AKAP19: variants seen among roughly 807,000 people sequenced by gnomAD.
AKAP19 encodes small A-kinase anchoring protein.
the AKAP19 span, among the ~76,000 whole-genome samples, chr2:190,157,859 A>G: frequency 6.6e-6 from 1 of 152,226 alleles, no homozygotes; most frequent in Non-Finnish European, 1.5e-5. Flanking sequence ...AAGTGAGGGA[A>G]GAGAGAGACC....
chr2:190,201,065 A>C, the AKAP19 span: 1 of 166,062 alleles, frequency 6.0e-6, no homozygotes, highest in African/African-American at 2.4e-5. Flanking sequence ...CAGATAATGC[A>C]TGAAGATTTA....
the AKAP19 span, among the ~76,000 whole-genome samples, chr2:190,006,517 G>A: frequency 6.6e-6 from 1 of 151,922 alleles, no homozygotes; most frequent in African/African-American, 2.4e-5. Context: ...GGGCGTGATG[G>A]CGGGTGCCTG....
chr2:190,006,173 A>G, the AKAP19 span, among the ~76,000 whole-genome samples: 7 of 152,236 alleles, frequency 4.6e-5, no homozygotes, highest in Admixed American at 2.0e-4. Flanking sequence ...AAAAGTTTAT[A>G]TTAGAAAACT....
chr2:189,974,156 T>A, the AKAP19 span, among the ~76,000 whole-genome samples: 1 of 152,218 alleles, frequency 6.6e-6, no homozygotes, highest in Admixed American at 6.5e-5. Flanking sequence ...TTTAAATGTG[T>A]CCCAGAGATT....
At chr2:189,975,915 G>T in the AKAP19 span, among the ~76,000 whole-genome samples, 1 of 152,124 alleles carries the variant, frequency 6.6e-6, no homozygotes. Flanking sequence ...TAGCTTCTTT[G>T]TGTTGGGTTC....
chr2:189,914,082 A>T, the AKAP19 span, among the ~76,000 whole-genome samples: 2 of 152,190 alleles, frequency 1.3e-5, no homozygotes, highest in Admixed American at 6.5e-5. Flanking sequence ...AGATGCAGAA[A>T]GTAATGGAAT....
the AKAP19 span, among the ~76,000 whole-genome samples, chr2:190,050,771 A>T: frequency 4.6e-5 from 7 of 152,320 alleles, no homozygotes; most frequent in South Asian, 1.0e-3. Context: ...TGAGCCAATG[A>T]CAGGAGACAA....
At chr2:190,164,498 C>G in the AKAP19 span, among the ~76,000 whole-genome samples, 4 of 152,096 alleles carry the variant, frequency 2.6e-5, no homozygotes, top group African/African-American at 9.6e-5. Flanking sequence ...TCACTGTACT[C>G]CAGCCTGGGC....
chr2:189,891,886 G>A, the AKAP19 span, among the ~76,000 whole-genome samples: 1 of 151,632 alleles, frequency 6.6e-6, no homozygotes, highest in African/African-American at 2.4e-5. Flanking sequence ...ATGTAGATTT[G>A]GTCTTTTCAC....
At chr2:190,161,093 C>A in the AKAP19 span, among the ~76,000 whole-genome samples, 1 of 152,074 alleles carries the variant, frequency 6.6e-6, no homozygotes, top group African/African-American at 2.4e-5. Flanking sequence ...ACATAGTTCT[C>A]TGGATTATTA....
chr2:189,907,402 A>G, the AKAP19 span, among the ~76,000 whole-genome samples: 2 of 152,082 alleles, frequency 1.3e-5, no homozygotes, highest in Non-Finnish European at 2.9e-5. Context: ...TACCTGCAGT[A>G]TTTGTTGACT....
At chr2:190,122,802 C>A in the AKAP19 span, among the ~76,000 whole-genome samples, 1 of 150,594 alleles carries the variant, frequency 6.6e-6, no homozygotes, top group Non-Finnish European at 1.5e-5. Flanking sequence ...GATCACCTCT[C>A]TCTCTCTCTT....
the AKAP19 span, among the ~76,000 whole-genome samples, chr2:190,097,038 C>A: frequency 1.3e-5 from 2 of 152,282 alleles, no homozygotes; most frequent in Admixed American, 1.3e-4. Flanking sequence ...CAGAGCAATT[C>A]CCTTCTCAAA....
At chr2:190,014,954 C>T in the AKAP19 span, among the ~76,000 whole-genome samples, 1 of 152,186 alleles carries the variant, frequency 6.6e-6, no homozygotes, top group African/African-American at 2.4e-5. Flanking sequence ...GGGTGGGCTC[C>T]CATGGGCTCA....
At chr2:190,069,096 TAGAAA>T in the AKAP19 span, among the ~76,000 whole-genome samples, 1 of 148,126 alleles carries the variant, frequency 6.8e-6, no homozygotes, top group East Asian at 2.0e-4. Flanking sequence ...AGCCAGAGGG[TAGAAA>T]AGAAGTCTCA....
chr2:190,079,158 C>T, the AKAP19 span: 1 of 152,160 alleles, frequency 6.6e-6, no homozygotes, highest in Non-Finnish European at 1.5e-5. Context: ...TTCAACTTAA[C>T]ATGTCCAAGG....
chr2:189,983,082 A>C, the AKAP19 span, among the ~76,000 whole-genome samples: 1 of 152,126 alleles, frequency 6.6e-6, no homozygotes, highest in Admixed American at 6.5e-5. Flanking sequence ...GAAAGATATC[A>C]TGTTGGGGTG....
At chr2:190,068,481 C>G in the AKAP19 span, among the ~76,000 whole-genome samples, 3 of 152,136 alleles carry the variant, frequency 2.0e-5, no homozygotes, top group Non-Finnish European at 4.4e-5. Flanking sequence ...AGGTGTGTGC[C>G]ACCATGCCTG....
chr2:190,151,635 T>C, the AKAP19 span, among the ~76,000 whole-genome samples: 1 of 152,222 alleles, frequency 6.6e-6, no homozygotes, highest in Non-Finnish European at 1.5e-5. Flanking sequence ...GTTGATCCCA[T>C]GTCTTTGCTA....
Sources: gnomAD v4.1 joint callset for allele counts (sites outside exome capture counted in the v4.1 genomes callset) on GRCh38, gnomAD v4.1.1 for gene constraint, MANE v1.5 for transcripts, NCBI Gene and HGNC (gene_info 2026-07-23, HGNC 2026-07-21) for gene names.